Variants in LCP2 observed in about 807,000 individuals in gnomAD.
LCP2 encodes lymphocyte cytosolic protein 2.
In LCP2, 29 loss-of-function variants were observed where a neutral mutation model predicts 74.5. The observed-to-expected ratio is 0.39, with a 90% CI of 0.29 to 0.53. LCP2 has a LOEUF of 0.53. LCP2 is among the 20% of genes least tolerant of loss of function. The probability of loss-of-function intolerance (pLI) is 0.72; values close to 1 mark genes in which losing one functional copy is unlikely to be tolerated. For synonymous variants in LCP2, 228 were observed against 229.5 expected (o/e 0.99, Z 0.06); for missense variants, 604 against 634.6 (o/e 0.95, Z 0.52).
Position 170,262,754 on chromosome 5 carries a change from A to C in LCP2, c.819-12T>G. 1 of 1,613,612 alleles carries C rather than the reference A, an allele frequency of 6.2e-7. No homozygotes were observed. The highest frequency in any genetic ancestry group is 8.5e-7 in the Non-Finnish European group (1 of 1,179,510). On this transcript the variant is annotated splice_polypyrimidine_tract_variant and intron_variant, in intron 12 of 20. Coordinates refer to ENST00000046794, the MANE Select transcript of LCP2 (RefSeq NM_005565.5). ...GCTCCCCGAGTGACCTGTGGAGTTC[A>C]GGAAAAGGATGTGTAAGAAACAAAC...
rs1761549865 is a variant in LCP2 at position 170,256,284 on chromosome 5, ATG to A, written c.1150+240_1150+241del. Among the ~76,000 whole-genome samples the A allele has an allele frequency of 6.6e-6, 1 of 152,110 alleles. No homozygotes were observed. The highest frequency in any genetic ancestry group is 2.4e-5 in the African/African-American group (1 of 41,406). On this transcript the variant is annotated intron_variant, in intron 17 of 20. Coordinates refer to ENST00000046794, the MANE Select transcript of LCP2 (RefSeq NM_005565.5). The surrounding 1 kb of genome is among the most constrained non-coding windows in gnomAD (Gnocchi z 4.5). ...TATGCATGTGTGTGTGTGCATGTAT[ATG>A]TGCATGTGTGTATGGGCATGTATAT...
chr5:170,253,300 C>T, intron 17 of LCP2, 87 bp from the exon 18 acceptor site: 1 of 876,820 alleles, frequency 1.1e-6, no homozygotes, highest in South Asian at 1.6e-5. Context: ...CCCCCACTCC[C>T]CCAAAAAAAT....
In LCP2 at chr5:170,258,071, G is replaced by C. The variant is rs1202917229; in HGVS notation, c.1066C>G (p.Pro356Ala). 6.2e-7 allele frequency: 1 copy of C among 1,613,912 alleles called. No individual in the cohort carries two copies. ...STKPSPMNPL[P>A]SSHMPGAFSE... ...AATGCTCCAGGCATGTGAGAGGATG[G>C]GAGAGGGTTCATGGGACTTGGCTTA... Residue 356 changes from proline (P) to alanine (A), a missense_variant, in exon 16 of 21, where the codon CCA becomes GCA. By Grantham distance (27) the Pro-to-Ala change is conservative. Transcript: ENST00000046794.
intron 5 of LCP2, among the ~76,000 whole-genome samples, chr5:170,274,989 A>C (rs1431542732): frequency 6.6e-6 from 1 of 151,946 alleles, no homozygotes; most frequent in Non-Finnish European, 1.5e-5. Flanking sequence ...AAAAAAAAAA[A>C]AAAAAACTCA....
intron 10 of LCP2, among the ~76,000 whole-genome samples, chr5:170,263,198 A>AT (rs1482976780): frequency 3.3e-5 from 5 of 152,232 alleles, no homozygotes; most frequent in Admixed American, 3.3e-4. Flanking sequence ...TGGCTTGACC[A>AT]TTTAATTTGA....
chr5:170,268,104 A>G (rs536109193), intron 8 of LCP2, among the ~76,000 whole-genome samples: 2 of 152,264 alleles, frequency 1.3e-5, no homozygotes, highest in African/African-American at 4.8e-5. Context: ...AGGCAACACC[A>G]GTAGGTGCCA....
rs192884854 is a variant in LCP2, at chr5:170,253,642, A to G, written c.1151-429T>C. Reference sequence around the variant, plus strand: ...CAGCTGATGTAGGGACAATGCAATGATGAAGATAATTATGTTCTTAATGTT... The same window carrying G: ...CAGCTGATGTAGGGACAATGCAATGGTGAAGATAATTATGTTCTTAATGTT... On this transcript the variant is annotated intron_variant, in intron 17 of 20. Transcript: ENST00000046794. Among the ~76,000 whole-genome samples, 930 of 151,820 alleles carry G rather than the reference A, an allele frequency of 6.1e-3. 4 individuals carry two copies. The highest frequency in any genetic ancestry group is 0.034 in the Middle Eastern group (10 of 294).
intron 1 of LCP2, among the ~76,000 whole-genome samples, chr5:170,295,752 G>T (rs930356398): frequency 6.6e-6 from 1 of 152,210 alleles, no homozygotes; most frequent in Non-Finnish European, 1.5e-5. Flanking sequence ...TTCTATCCAA[G>T]TCTGTGGAGG....
intron 1 of LCP2, among the ~76,000 whole-genome samples, chr5:170,295,459 A>C (rs190908908): frequency 3.9e-5 from 6 of 152,240 alleles, no homozygotes; most frequent in Non-Finnish European, 5.9e-5. Flanking sequence ...TCATATCTCT[A>C]TTTCACTGAT....
At chr5:170,248,919 G>T in intron 20 of LCP2, 100 bp from the exon 21 acceptor site, 5 of 1,182,854 alleles carry the variant, frequency 4.2e-6, no homozygotes, top group South Asian at 1.3e-5. Flanking sequence ...GCCTCTTCAA[G>T]TGATGAGGAT....
At chr5:170,263,051 A>G (rs1761688940) in intron 10 of LCP2, 59 bp from the exon 11 acceptor site, 1 of 1,580,984 alleles carries the variant, frequency 6.3e-7, no homozygotes, top group Non-Finnish European at 8.7e-7. Flanking sequence ...CATGAGGTTT[A>G]AAAACACAGT....
rs777517380 is a variant in LCP2 at position 170,262,694 on chromosome 5, C to T, written c.867G>A (p.Pro289=). The T allele has an allele frequency of 2.1e-5, 34 of 1,613,846 alleles. No individual in the cohort carries two copies. The highest frequency in any genetic ancestry group is 2.7e-5 in the African/African-American group (2 of 74,920). Residue 289 remains proline, a synonymous_variant, in exon 13 of 21, where the codon CCG becomes CCA. Coordinates refer to ENST00000046794, the MANE Select transcript of LCP2 (RefSeq NM_005565.5). ...LPKIQKPPLP[P]TTERHERSSP... ...TGCTCCTTTCATGTCTTTCCGTGGT[C>T]GGTGGTAAAGGAGGCTTTTGAATCT...
At chr5:170,259,359 C>T (rs955291328) in intron 14 of LCP2, among the ~76,000 whole-genome samples, 2 of 152,148 alleles carry the variant, frequency 1.3e-5, no homozygotes, top group African/African-American at 4.8e-5. Context: ...TTCTTTTTGG[C>T]TCTCTTTTGC....
At chr5:170,258,208 CA>C (rs1761593082) in intron 15 of LCP2, 42 bp from the exon 16 acceptor site, 1 of 1,609,726 alleles carries the variant, frequency 6.2e-7, no homozygotes, top group African/African-American at 1.3e-5. Flanking sequence ...TGGCAGGCCC[CA>C]GCTGTCACTA....
intron 2 of LCP2, among the ~76,000 whole-genome samples, 164 bp from the exon 3 acceptor site, chr5:170,288,180 G>A (rs1762219082): frequency 8.9e-6 from 1 of 112,460 alleles, no homozygotes; most frequent in Non-Finnish European, 1.6e-5. Context: ...GCAGCCTCTA[G>A]ATGTTTTGCC....
At chr5:170,272,037 T>C (rs1271757654) in intron 6 of LCP2, among the ~76,000 whole-genome samples, 6 of 152,212 alleles carry the variant, frequency 3.9e-5, no homozygotes, top group Non-Finnish European at 5.9e-5. Context: ...AGGGTTCTTA[T>C]AACTTTAGGA....
intron 20 of LCP2, among the ~76,000 whole-genome samples, chr5:170,249,524 C>T (rs1375375290): frequency 6.6e-6 from 1 of 152,000 alleles, no homozygotes; most frequent in African/African-American, 2.4e-5. Context: ...TTCTGCATCT[C>T]TATTTCACCC....
At chr5:170,265,499 T>G (rs1581063130) in intron 10 of LCP2, among the ~76,000 whole-genome samples, 1 of 151,916 alleles carries the variant, frequency 6.6e-6, no homozygotes, top group Non-Finnish European at 1.5e-5. Flanking sequence ...TGTCAGGAGG[T>G]GATTGCGAAG....
chr5:170,276,936 C>T (rs954984187), intron 3 of LCP2, among the ~76,000 whole-genome samples: 1 of 151,846 alleles, frequency 6.6e-6, no homozygotes. Context: ...AAAAGCTGGG[C>T]ATGGTGGCAC....
Sources: allele counts gnomAD v4.1 joint callset (sites outside exome capture counted in the v4.1 genomes callset), GRCh38; gene constraint gnomAD v4.1.1; non-coding constraint Gnocchi (gnomAD v3.1); transcripts MANE v1.5; gene names NCBI Gene and HGNC (gene_info 2026-07-23, HGNC 2026-07-21).